Variants in ATE1 observed in about 807,000 individuals in gnomAD.
ATE1 encodes the protein arginyltransferase 1, also known as arginyl-tRNA--protein transferase 1.
A neutral mutation model predicts 70.5 loss-of-function variants in ATE1; 36 were observed. The observed-to-expected ratio is 0.51, with a 90% CI of 0.39 to 0.67. ATE1 has a LOEUF of 0.67. Ranked by LOEUF, ATE1 falls within the 30% of genes least tolerant of loss-of-function variation. ATE1 has a pLI of 0.00. For missense variants in ATE1, 593 were observed against 629.5 expected (o/e 0.94, Z 0.62); for synonymous variants, 232 against 219.3 (o/e 1.06, Z -0.51).
chr10:121,897,202 C>T (rs894958684), intron 7 of ATE1, among the ~76,000 whole-genome samples: 21 of 152,196 alleles, frequency 1.4e-4, no homozygotes, highest in African/African-American at 5.1e-4. Flanking sequence ...TCTAAGTCTG[C>T]ATAAAGGGAC....
At chr10:121,848,847 G>C (rs1375833754) in intron 8 of ATE1, among the ~76,000 whole-genome samples, 1 of 151,812 alleles carries the variant, frequency 6.6e-6, no homozygotes, top group Non-Finnish European at 1.5e-5. Flanking sequence ...GGAGACGGTG[G>C]TCGCAGTGAA....
At chr10:121,782,631 A>G (rs547256170) in intron 11 of ATE1, 28 of 152,372 alleles carry the variant, frequency 1.8e-4, no homozygotes, top group African/African-American at 6.5e-4. Flanking sequence ...TGTGATGGTT[A>G]ATACTGAGTG....
At chr10:121,847,183 T>C (rs957353825) in intron 8 of ATE1, among the ~76,000 whole-genome samples, 1 of 152,228 alleles carries the variant, frequency 6.6e-6, no homozygotes, top group Non-Finnish European at 1.5e-5. Flanking sequence ...GCACGGTGTC[T>C]CACGCATGTA....
chr10:121,804,296 T>C (rs971351013), intron 10 of ATE1, among the ~76,000 whole-genome samples: 9 of 152,208 alleles, frequency 5.9e-5, no homozygotes. Flanking sequence ...ATTCAATGAC[T>C]ATACCATTAA....
chr10:121,920,355 G>T (rs1168500103), intron 3 of ATE1, among the ~76,000 whole-genome samples: 1 of 151,632 alleles, frequency 6.6e-6, no homozygotes, highest in African/African-American at 2.4e-5. Flanking sequence ...AACATGGCAA[G>T]ACCCCTTTTC....
rs1944134170 is a variant in ATE1 at position 121,741,102 on chromosome 10, A to C, written c.*2578T>G. ...GCAAATGCAAAGCTTCCTGCCTTGGAAAGATATAAACTGTCTTTGAAAAGT... is the reference window on the plus strand; with the variant it reads ...GCAAATGCAAAGCTTCCTGCCTTGGCAAGATATAAACTGTCTTTGAAAAGT... On this transcript the variant is annotated 3_prime_UTR_variant, in exon 12 of 12. Transcript: ENST00000224652. 1 of 152,198 alleles carries C rather than the reference A, an allele frequency of 6.6e-6. No homozygotes were observed. Among genetic ancestry groups the C allele is most frequent in the South Asian group, 2.1e-4 (1 of 4,836 alleles). 9.4% of individuals were successfully genotyped at this position (152,198 alleles called of 1,614,324 possible). A position where few individuals can be genotyped will look rare whatever the true frequency, so the allele number is the denominator to read the frequency against.
chr10:121,855,073 C>T (rs1949195689), intron 8 of ATE1, among the ~76,000 whole-genome samples: 1 of 152,200 alleles, frequency 6.6e-6, no homozygotes, highest in Non-Finnish European at 1.5e-5. Flanking sequence ...AGGGAAGTTA[C>T]ACAAACAGCT....
chr10:121,840,207 G>C (rs143996647), intron 9 of ATE1, among the ~76,000 whole-genome samples: 1,579 of 152,300 alleles, frequency 0.01, 16 homozygotes, highest in Non-Finnish European at 0.015. Flanking sequence ...ATTATCTTTT[G>C]ATGAGGGTCA....
At chr10:121,761,178 C>T (rs1158290064) in intron 11 of ATE1, among the ~76,000 whole-genome samples, 1 of 152,146 alleles carries the variant, frequency 6.6e-6, no homozygotes, top group Non-Finnish European at 1.5e-5. Flanking sequence ...GCTTGAGGCC[C>T]TCATCAGAAG....
chr10:121,743,367 A>T lies in ATE1; in HGVS notation c.*313T>A. 4.0e-6 allele frequency: 1 copy of T among 248,672 alleles called. No homozygotes were observed. Among genetic ancestry groups the T allele is most frequent in the Non-Finnish European group, 6.9e-6 (1 of 144,578 alleles). 15.4% of individuals were successfully genotyped at this position (248,672 alleles called of 1,614,324 possible). On this transcript the variant is annotated 3_prime_UTR_variant, in exon 12 of 12. Coordinates refer to ENST00000224652, the MANE Select transcript of ATE1 (RefSeq NM_001001976.3). Reference sequence around the variant, plus strand: ...AAAAATGCACAACTGTGATTAAGTTACTTAGATTCACTTCTTCATTTTACA... The same window carrying T: ...AAAAATGCACAACTGTGATTAAGTTTCTTAGATTCACTTCTTCATTTTACA...
intron 11 of ATE1, among the ~76,000 whole-genome samples, chr10:121,784,632 T>C (rs959819183): frequency 6.6e-6 from 1 of 151,386 alleles, no homozygotes; most frequent in African/African-American, 2.4e-5. Context: ...CAGAGGCGGG[T>C]GGATCGCCTG....
intron 10 of ATE1, 140 bp from the exon 11 acceptor site, chr10:121,790,429 C>G: frequency 9.2e-7 from 1 of 1,084,248 alleles, no homozygotes; most frequent in East Asian, 2.8e-5. Flanking sequence ...TACTAAGCAA[C>G]CCTGTAGCTG....
chr10:121,856,167 A>G (rs997761131), intron 8 of ATE1, among the ~76,000 whole-genome samples: 1 of 152,150 alleles, frequency 6.6e-6, no homozygotes, highest in Non-Finnish European at 1.5e-5. Flanking sequence ...TCTGAGGGGA[A>G]AAAAGTTATC....
intron 10 of ATE1, among the ~76,000 whole-genome samples, chr10:121,830,154 A>G (rs1948180466): frequency 6.6e-6 from 1 of 152,222 alleles, no homozygotes; most frequent in Non-Finnish European, 1.5e-5. Flanking sequence ...GTGCAAGTAT[A>G]ACATGGTATC....
At chr10:121,814,370 CA>C (rs1947451153) in intron 10 of ATE1, among the ~76,000 whole-genome samples, 1 of 152,152 alleles carries the variant, frequency 6.6e-6, no homozygotes, top group Non-Finnish European at 1.5e-5. Context: ...GATTTTCTAG[CA>C]AAATGATTCG....
rs1456855853 is a variant in ATE1 at position 121,742,099 on chromosome 10, T to C, written c.*1581A>G. The C allele has an allele frequency of 6.6e-6, 1 of 152,180 alleles. No individual in the cohort carries two copies. The highest frequency in any genetic ancestry group is 1.5e-5 in the Non-Finnish European group (1 of 68,040). 9.4% of individuals were successfully genotyped at this position (152,180 alleles called of 1,614,324 possible). A position where few individuals can be genotyped will look rare whatever the true frequency, so the allele number is the denominator to read the frequency against. ...CCCAGAAAAATGTAAAATCTTGTGA[T>C]CAGAGAAAATGGCTTTGCTCACTAC... On this transcript the variant is annotated 3_prime_UTR_variant, in exon 12 of 12. Coordinates refer to ENST00000224652, the MANE Select transcript of ATE1 (RefSeq NM_001001976.3).
In ATE1 at chr10:121,825,592, T is replaced by C. The variant is rs372085093; in HGVS notation, c.1257+11126A>G. ...TGCTAGAAGGCTTCTCAGTGAGGGTTTCCTCAATCTTAGGAAGAGACACAA... is the reference window on the plus strand; with the variant it reads ...TGCTAGAAGGCTTCTCAGTGAGGGTCTCCTCAATCTTAGGAAGAGACACAA... On this transcript the variant is annotated intron_variant, in intron 10 of 11. Coordinates refer to ENST00000224652, the MANE Select transcript of ATE1 (RefSeq NM_001001976.3). Among the ~76,000 whole-genome samples the C allele has an allele frequency of 1.7e-4, 26 of 152,296 alleles. No homozygotes were observed. In the South Asian group the frequency reaches 2.3e-3, roughly 13 times the overall value.
chr10:121,908,315 C>A lies in ATE1; in HGVS notation c.583+2591G>T, dbSNP rs573289530. ...GGTCAGGAGTTCGAGACCAGCCTGG[C>A]CAACATGGCTAAACCCCGTCTCTAC... On this transcript the variant is annotated intron_variant, in intron 5 of 11. Transcript: ENST00000224652. Among the ~76,000 whole-genome samples, 350 of 152,230 alleles carry A rather than the reference C, an allele frequency of 2.3e-3. 1 individual carries two copies. Among genetic ancestry groups the A allele is most frequent in the African/African-American group, 8.2e-3 (339 of 41,566 alleles).
At chr10:121,827,746 G>GTAAGACTATGGTCATGGACAAAAAA (rs1948084056) in intron 10 of ATE1, among the ~76,000 whole-genome samples, 1 of 152,162 alleles carries the variant, frequency 6.6e-6, no homozygotes, top group South Asian at 2.1e-4. Context: ...TGCCTTACAT[G>GTAAGACTATGGTCATGGACAAAAAA]TAAGACTATG....
Sources: gnomAD v4.1 joint callset for allele counts (sites outside exome capture counted in the v4.1 genomes callset) on GRCh38, gnomAD v4.1.1 for gene constraint, MANE v1.5 for transcripts, NCBI Gene and HGNC (gene_info 2026-07-23, HGNC 2026-07-21) for gene names.